Variants in TMEM276 observed in about 807,000 individuals in gnomAD.
TMEM276 encodes transmembrane protein 276.
At chr8:144,466,727 C>T in the TMEM276 span, 1,461,120 of 1,484,166 alleles carry the variant, frequency 0.98, 720,876 homozygotes, top group Non-Finnish European at 1. Flanking sequence ...CTGCCTGCCC[C>T]CCTCCTCAGG....
chr8:144,464,643 G>C, the TMEM276 span: 3 of 1,583,302 alleles, frequency 1.9e-6, no homozygotes, highest in Non-Finnish European at 2.6e-6. Context: ...GAACACGTGG[G>C]AAAAAGAGGC....
At chr8:144,466,705 G>T in the TMEM276 span, 1 of 1,383,788 alleles carries the variant, frequency 7.2e-7, no homozygotes. Flanking sequence ...GCGGAGGGAA[G>T]GGGCCAGCAG....
the TMEM276 span, chr8:144,464,777 G>C: frequency 6.2e-7 from 1 of 1,610,562 alleles, no homozygotes; most frequent in Non-Finnish European, 8.5e-7. Context: ...GAGGTATGGG[G>C]ATGCGCCCCT....
At chr8:144,463,827 C>A in the TMEM276 span, 1 of 1,296,788 alleles carries the variant, frequency 7.7e-7, no homozygotes, top group Non-Finnish European at 9.8e-7. Context: ...TTTTCATATT[C>A]CTGCAAAATT....
At chr8:144,466,445 T>A in the TMEM276 span, 1 of 1,359,198 alleles carries the variant, frequency 7.4e-7, no homozygotes, top group Non-Finnish European at 9.6e-7. Context: ...TCGTTGCTCA[T>A]CTACATCTTC....
chr8:144,463,836 T>C, the TMEM276 span: 5 of 1,305,630 alleles, frequency 3.8e-6, no homozygotes, highest in East Asian at 1.2e-4. Context: ...TCCTGCAAAA[T>C]TCCTAAGATT....
chr8:144,466,795 C>T, the TMEM276 span: 5 of 1,535,850 alleles, frequency 3.3e-6, no homozygotes, highest in Admixed American at 3.9e-5. Flanking sequence ...GGCGCCCAGA[C>T]CTGCCCGCGC....
chr8:144,463,885 G>A, the TMEM276 span: 1 of 1,396,094 alleles, frequency 7.2e-7, no homozygotes, highest in Admixed American at 3.3e-5. Context: ...CCACAACCGT[G>A]TCCAGCCCAG....
the TMEM276 span, chr8:144,464,425 A>G: frequency 1.2e-6 from 2 of 1,612,272 alleles, no homozygotes; most frequent in South Asian, 2.2e-5. Context: ...GCCTCCTCCC[A>G]GGAGCAGGTT....
chr8:144,465,068 T>A, the TMEM276 span: 3 of 1,530,282 alleles, frequency 2.0e-6, no homozygotes, highest in Non-Finnish European at 2.6e-6. Flanking sequence ...GTCCTAGACT[T>A]TCCGGATCCC....
the TMEM276 span, chr8:144,464,087 G>A: frequency 6.3e-7 from 1 of 1,576,540 alleles, no homozygotes; most frequent in Non-Finnish European, 8.6e-7. Flanking sequence ...GAGGGAAAGT[G>A]TTCGGCAGGG....
the TMEM276 span, chr8:144,464,755 C>T: frequency 5.0e-6 from 8 of 1,606,262 alleles, no homozygotes; most frequent in Non-Finnish European, 5.1e-6. Context: ...AAACTAGGTC[C>T]TTGGGGTTTG....
At chr8:144,464,361 A>G in the TMEM276 span, 2 of 1,611,370 alleles carry the variant, frequency 1.2e-6, no homozygotes, top group Non-Finnish European at 1.7e-6. Flanking sequence ...TTGCCTGACC[A>G]GCCACAGAGC....
chr8:144,464,683 T>G, the TMEM276 span: 1 of 1,573,664 alleles, frequency 6.4e-7, no homozygotes. Context: ...AGGAAAGGGT[T>G]TGGGGCTTCC....
the TMEM276 span, chr8:144,464,359 C>G: frequency 6.2e-7 from 1 of 1,611,550 alleles, no homozygotes; most frequent in South Asian, 1.1e-5. Context: ...CATTGCCTGA[C>G]CAGCCACAGA....
At chr8:144,465,282 G>C in the TMEM276 span, 2 of 1,117,350 alleles carry the variant, frequency 1.8e-6, no homozygotes, top group Non-Finnish European at 2.3e-6. Context: ...TCCGGGAGGC[G>C]TTGTCCTGGG....
chr8:144,464,832 GCA>G, the TMEM276 span: 1 of 1,612,812 alleles, frequency 6.2e-7, no homozygotes, highest in East Asian at 2.2e-5. Flanking sequence ...ACGGCTGCGT[GCA>G]GAGACACCAC....
chr8:144,465,264 C>G, the TMEM276 span: 1 of 1,121,156 alleles, frequency 8.9e-7, no homozygotes, highest in Non-Finnish European at 1.1e-6. Flanking sequence ...TCGGCCTGCT[C>G]CCTGCGTTCC....
At chr8:144,466,530 T>C in the TMEM276 span, 16 of 1,223,978 alleles carry the variant, frequency 1.3e-5, no homozygotes, top group Non-Finnish European at 1.5e-5. Context: ...TGAGCGGGGC[T>C]GGCCGTGCAG....
Sources: gnomAD v4.1 joint callset for allele counts on GRCh38, gnomAD v4.1.1 for gene constraint, MANE v1.5 for transcripts, NCBI Gene and HGNC (gene_info 2026-07-23, HGNC 2026-07-21) for gene names.